MSRA: variants seen among roughly 807,000 people sequenced by gnomAD.
MSRA encodes methionine sulfoxide reductase A, also known as mitochondrial peptide methionine sulfoxide reductase.
MSRA carries 54 observed loss-of-function variants against 31.3 expected under a neutral mutation model. The observed-to-expected ratio is 1.73, with a 90% CI of 1.39 to 2.17. The LOEUF is 2.17. MSRA is among the 30% of genes most tolerant of loss of function. The pLI is 0.00. For synonymous variants in MSRA, 169 were observed against 116.5 expected (o/e 1.45, Z -2.90); for missense variants, 507 against 300.9 (o/e 1.69, Z -5.07).
At chr8:10,338,107 G>A (rs1030450742) in intron 5 of MSRA, among the ~76,000 whole-genome samples, 1 of 152,202 alleles carries the variant, frequency 6.6e-6, no homozygotes, top group Non-Finnish European at 1.5e-5. Flanking sequence ...GCAGGAGTAG[G>A]AAAGAAAACT....
intron 1 of MSRA, among the ~76,000 whole-genome samples, chr8:10,161,957 A>G (rs36126674): frequency 0.2 from 29,762 of 152,076 alleles, 3,285 homozygotes; most frequent in East Asian, 0.5. Context: ...GTCTGAATAC[A>G]AGAGCGCACT....
At chr8:10,391,204 C>G (rs563476900) in intron 5 of MSRA, among the ~76,000 whole-genome samples, 5 of 152,298 alleles carry the variant, frequency 3.3e-5, no homozygotes, top group African/African-American at 1.2e-4. Flanking sequence ...ATCTTTAAGT[C>G]ATTGGTCACA....
chr8:10,329,944 C>G (rs1802594032), intron 5 of MSRA, among the ~76,000 whole-genome samples: 1 of 147,068 alleles, frequency 6.8e-6, no homozygotes, highest in South Asian at 2.2e-4. Context: ...AGTGGCATAC[C>G]AAAAATAACA....
In MSRA at chr8:10,337,470, C is replaced by T. The variant is rs186028350; in HGVS notation, c.543+17481C>T. The T allele has an allele frequency of 9.1e-4, 446 of 488,900 alleles. 6 individuals are homozygous for T. Among genetic ancestry groups the T allele is most frequent in the South Asian group, 7.0e-3 (281 of 40,040 alleles). The allele number at this position is 488,900 out of a possible 1,614,324, so 30.3% of individuals were successfully genotyped here. A position where few individuals can be genotyped will look rare whatever the true frequency, so the allele number is the denominator to read the frequency against. On this transcript the variant is annotated intron_variant, in intron 5 of 5. Transcript: ENST00000317173. ...CTGGGATTACAGGCGTGAGCCACCA[C>T]GCCCGGCCAAGCCTATGTCGCTTTT...
intron 1 of MSRA, among the ~76,000 whole-genome samples, chr8:10,184,091 G>C (rs181248181): frequency 6.6e-6 from 1 of 151,992 alleles, no homozygotes; most frequent in Admixed American, 6.6e-5. Context: ...GTTATTGTGA[G>C]TGGTAGTGTT....
At chr8:10,307,562 A>G (rs1801208430) in intron 4 of MSRA, among the ~76,000 whole-genome samples, 1 of 152,216 alleles carries the variant, frequency 6.6e-6, no homozygotes, top group South Asian at 2.1e-4. Flanking sequence ...GGATTTAATT[A>G]TACTTTAAAT....
chr8:10,402,146 C>T (rs751497799), intron 5 of MSRA, among the ~76,000 whole-genome samples: 6 of 152,220 alleles, frequency 3.9e-5, no homozygotes, highest in Middle Eastern at 3.2e-3. Context: ...GCATTTCGAT[C>T]GTGAACATTG....
rs1467440154 is a variant in MSRA at position 10,113,289 on chromosome 8, C to CTTTTTTTTTTTTGTTTTTTTTTTTTT, written c.142+58633_142+58634insTTTTTTTTTTGTTTTTTTTTTTTTTT. ...AGGCATGGCTTTGGTGAAGACAGGT[C>CTTTTTTTTTTTTGTTTTTTTTTTTTT]TTCTTTTTTTTTTTTTTTTTTTTTT... On this transcript the variant is annotated intron_variant, in intron 1 of 5. Transcript: ENST00000317173. Among the ~76,000 whole-genome samples the CTTTTTTTTTTTTGTTTTTTTTTTTTT allele has an allele frequency of 3.9e-5, 2 of 50,898 alleles. 1 individual carries two copies. Among genetic ancestry groups the CTTTTTTTTTTTTGTTTTTTTTTTTTT allele is most frequent in the African/African-American group, 2.2e-4 (2 of 9,074 alleles). 33.4% of individuals were successfully genotyped at this position (50,898 alleles called of 152,430 possible).
intron 4 of MSRA, among the ~76,000 whole-genome samples, chr8:10,315,087 C>A (rs1801636240): frequency 6.6e-6 from 1 of 152,042 alleles, no homozygotes; most frequent in Non-Finnish European, 1.5e-5. Context: ...GGGGAACTGA[C>A]CTTTATAAAA....
At chr8:10,298,943 G>A (rs78646352) in intron 3 of MSRA, among the ~76,000 whole-genome samples, 15,909 of 152,130 alleles carry the variant, frequency 0.1, 905 homozygotes, top group South Asian at 0.16. Flanking sequence ...GTAAATGAGC[G>A]TCTTTGTGGC....
chr8:10,279,183 G>A (rs1799485049), intron 3 of MSRA, among the ~76,000 whole-genome samples: 1 of 152,196 alleles, frequency 6.6e-6, no homozygotes, highest in Non-Finnish European at 1.5e-5. Context: ...AGTAGGGAAT[G>A]TAATTCTTAC....
intron 3 of MSRA, among the ~76,000 whole-genome samples, chr8:10,267,407 G>A (rs1473301717): frequency 6.6e-6 from 1 of 152,142 alleles, no homozygotes; most frequent in Non-Finnish European, 1.5e-5. Context: ...AAATGGGGTT[G>A]TGTAGGGATA....
At chr8:10,319,302 A>T (rs1801908086) in intron 4 of MSRA, among the ~76,000 whole-genome samples, 1 of 152,188 alleles carries the variant, frequency 6.6e-6, no homozygotes, top group African/African-American at 2.4e-5. Flanking sequence ...TGTCACACTC[A>T]GATAGAAACT....
intron 1 of MSRA, among the ~76,000 whole-genome samples, chr8:10,055,070 G>A (rs1292910936): frequency 6.6e-6 from 1 of 152,218 alleles, no homozygotes; most frequent in Non-Finnish European, 1.5e-5. Context: ...CAGGGCACCT[G>A]CAGCGGGGCT....
intron 1 of MSRA, among the ~76,000 whole-genome samples, chr8:10,128,607 C>T (rs1317816047): frequency 6.6e-6 from 1 of 152,182 alleles, no homozygotes; most frequent in Non-Finnish European, 1.5e-5. Context: ...TCAGCACACT[C>T]CTCTTAGCTT....
At chr8:10,088,823 C>G (rs1405752820) in intron 1 of MSRA, among the ~76,000 whole-genome samples, 1 of 152,138 alleles carries the variant, frequency 6.6e-6, no homozygotes, top group African/African-American at 2.4e-5. Flanking sequence ...AAGATCTTGC[C>G]ATTTGCCACA....
chr8:10,146,787 C>G (rs565404532), intron 1 of MSRA, among the ~76,000 whole-genome samples: 1 of 152,112 alleles, frequency 6.6e-6, no homozygotes. Flanking sequence ...CTTAGGAGCC[C>G]TGGGCTGGAG....
chr8:10,373,457 C>T (rs1470087885), intron 5 of MSRA, among the ~76,000 whole-genome samples: 1 of 152,250 alleles, frequency 6.6e-6, no homozygotes, highest in Non-Finnish European at 1.5e-5. Context: ...GCCTTGAACT[C>T]ATGGGCTATC....
chr8:10,097,257 A>T (rs949507132), intron 1 of MSRA, among the ~76,000 whole-genome samples: 2 of 152,212 alleles, frequency 1.3e-5, no homozygotes, highest in Admixed American at 1.3e-4. Context: ...ATTAATCAAC[A>T]TTTTGATTTT....
Sources: allele counts gnomAD v4.1 joint callset (sites outside exome capture counted in the v4.1 genomes callset), GRCh38; gene constraint gnomAD v4.1.1; transcripts MANE v1.5; gene names NCBI Gene and HGNC (gene_info 2026-07-23, HGNC 2026-07-21).